DPP6: variants seen among roughly 807,000 people sequenced by gnomAD.
DPP6 encodes the protein dipeptidyl peptidase like 6.
DPP6 carries 69 observed loss-of-function variants against 122.6 expected under a neutral mutation model. That is an observed-to-expected ratio of 0.56 (90% CI 0.46 to 0.69). The LOEUF (loss-of-function observed/expected upper bound fraction) is 0.69, where lower values mean the gene tolerates loss of function less well. Among genes scored for constraint, DPP6 ranks in the 30% least tolerant of loss-of-function variants. The pLI, the probability that DPP6 is intolerant of heterozygous loss-of-function variation, is 0.00. For missense variants in DPP6, 928 were observed against 1,116.9 expected (o/e 0.83, Z 2.41); for synonymous variants, 418 against 433.1 (o/e 0.97, Z 0.43).
At chr7:154,259,810 G>A (rs920334547) in intron 1 of DPP6, among the ~76,000 whole-genome samples, 3 of 152,148 alleles carry the variant, frequency 2.0e-5, no homozygotes, top group Admixed American at 6.5e-5. Flanking sequence ...TATGCCAAAC[G>A]CGTTCACAAC....
intron 1 of DPP6, among the ~76,000 whole-genome samples, chr7:154,440,140 C>A (rs908116443): frequency 6.6e-6 from 1 of 152,170 alleles, no homozygotes; most frequent in Non-Finnish European, 1.5e-5. Flanking sequence ...AAATTAACTT[C>A]TAATTAATGA....
At chr7:154,004,646 T>A (rs1356734890) in intron 1 of DPP6, among the ~76,000 whole-genome samples, 11 of 151,318 alleles carry the variant, frequency 7.3e-5, no homozygotes, top group South Asian at 2.1e-4. Flanking sequence ...GAATTTTTTT[T>A]AAAAGAATGT....
the DPP6 span, among the ~76,000 whole-genome samples, chr7:153,870,195 C>A: frequency 6.6e-6 from 1 of 152,164 alleles, no homozygotes; most frequent in Non-Finnish European, 1.5e-5. Flanking sequence ...TGAATGTTGG[C>A]CTGCCTTGCT....
chr7:154,677,255 G>A (rs571049466), intron 7 of DPP6, among the ~76,000 whole-genome samples: 4 of 152,228 alleles, frequency 2.6e-5, no homozygotes, highest in East Asian at 1.9e-4. Context: ...CGCCAACAGC[G>A]AGAGAGCGTG....
At chr7:154,308,005 T>C (rs1806513427) in intron 1 of DPP6, among the ~76,000 whole-genome samples, 1 of 152,086 alleles carries the variant, frequency 6.6e-6, no homozygotes, top group Admixed American at 6.5e-5. Context: ...TATGAGAAAC[T>C]CACTGGCACC....
chr7:154,261,270 GT>G (rs1431316585), intron 1 of DPP6, among the ~76,000 whole-genome samples: 1 of 152,176 alleles, frequency 6.6e-6, no homozygotes, highest in Non-Finnish European at 1.5e-5. Context: ...CACCAGCAGT[GT>G]AGAAGTATTC....
intron 1 of DPP6, among the ~76,000 whole-genome samples, chr7:154,126,483 C>T (rs537929880): frequency 7.6e-4 from 115 of 151,670 alleles, no homozygotes; most frequent in Admixed American, 2.0e-3. Flanking sequence ...ATTTGGTGGT[C>T]GTTTTTCCTT....
intron 1 of DPP6, among the ~76,000 whole-genome samples, chr7:154,374,250 A>C (rs1382096386): frequency 1.6e-4 from 25 of 152,246 alleles, no homozygotes; most frequent in Admixed American, 1.6e-3. Flanking sequence ...TAGGACAGGA[A>C]TAGTAAATAC....
intron 8 of DPP6, among the ~76,000 whole-genome samples, chr7:154,734,226 C>T (rs1235853283): frequency 2.6e-5 from 4 of 152,246 alleles, no homozygotes; most frequent in Admixed American, 1.3e-4. Flanking sequence ...CTCCTGGCTT[C>T]GCCTCCTGAG....
At chr7:154,698,492 C>T (rs1044895716) in intron 7 of DPP6, among the ~76,000 whole-genome samples, 5 of 152,032 alleles carry the variant, frequency 3.3e-5, no homozygotes, top group Non-Finnish European at 7.4e-5. Context: ...ATATGCAATT[C>T]GTTTTAAAGA....
chr7:154,566,846 C>T lies in DPP6; in HGVS notation c.557C>T (p.Ser186Leu). The T allele has an allele frequency of 6.3e-7, 1 of 1,576,586 alleles. No homozygotes were observed. The highest frequency in any genetic ancestry group is 8.7e-7 in the Non-Finnish European group (1 of 1,151,440). Residue 186 changes from serine (S) to leucine (L), a missense_variant, in exon 5 of 26, where the codon TCA becomes TTA. By Grantham distance (145) the Ser-to-Leu change is moderately radical (BLOSUM62 -2). Transcript: ENST00000377770. Reference sequence around the variant, plus strand: ...TTTGTCTATTTTTTCTTTTAGGAATCATTAAGAGCCATCAGATATGAAATA... The same window carrying T: ...TTTGTCTATTTTTTCTTTTAGGAATTATTAAGAGCCATCAGATATGAAATA... ...TVLIEGKKIESLRAIRYEISP... is the reference protein window; with the variant it reads ...TVLIEGKKIELLRAIRYEISP...
At chr7:154,177,273 C>T (rs1241340004) in intron 1 of DPP6, among the ~76,000 whole-genome samples, 1 of 152,026 alleles carries the variant, frequency 6.6e-6, no homozygotes, top group Non-Finnish European at 1.5e-5. Flanking sequence ...TGATGTGGAA[C>T]AATATTACCG....
At chr7:154,290,640 C>CT (rs1805145730) in intron 1 of DPP6, among the ~76,000 whole-genome samples, 1 of 138,716 alleles carries the variant, frequency 7.2e-6, no homozygotes, top group Non-Finnish European at 1.5e-5. Context: ...GAGCAAAACT[C>CT]TGTCTCCAAA....
chr7:153,910,584 G>A (rs1220790919), intron 1 of DPP6, among the ~76,000 whole-genome samples: 1 of 152,076 alleles, frequency 6.6e-6, no homozygotes, highest in African/African-American at 2.4e-5. Context: ...AAATTTGCAT[G>A]TCAGCCTCTG....
At chr7:154,559,038 TGAG>T (rs1830234688) in intron 4 of DPP6, among the ~76,000 whole-genome samples, 1 of 151,982 alleles carries the variant, frequency 6.6e-6, no homozygotes, top group African/African-American at 2.4e-5. Flanking sequence ...TGACTCCTAA[TGAG>T]GAGAAATATC....
At chr7:154,052,081 G>C (rs1279209280), upstream of DPP6, among the ~76,000 whole-genome samples, 1 of 147,774 alleles carries the variant, frequency 6.8e-6, no homozygotes, top group African/African-American at 2.5e-5. The surrounding 1 kb of genome is among the most constrained non-coding windows in gnomAD (Gnocchi z 4.8). Flanking sequence ...CTCGACCTCC[G>C]CATCCCCTTG....
At chr7:154,303,172 A>C (rs1174104696) in intron 1 of DPP6, among the ~76,000 whole-genome samples, 1 of 152,190 alleles carries the variant, frequency 6.6e-6, no homozygotes, top group Admixed American at 6.5e-5. Flanking sequence ...TTTAAGAGGA[A>C]TCCCAGAAGG....
At position 154,603,077 on chromosome 7, in the gene DPP6, T is replaced by C. The variant is rs1302298574; in HGVS notation, c.628-34744T>C. Among the ~76,000 whole-genome samples, 5 of 120,472 alleles carry C rather than the reference T, an allele frequency of 4.2e-5. 2 individuals carry two copies. The highest frequency in any genetic ancestry group is 1.9e-5 in the Non-Finnish European group (1 of 53,612). 79.0% of individuals were successfully genotyped at this position (120,472 alleles called of 152,430 possible). A position where few individuals can be genotyped will look rare whatever the true frequency, so the allele number is the denominator to read the frequency against. ...ATCATTCCTTGTCTTCTGGCTAGCT[T>C]AGTTTCTGAGGGGAACTCTATTACC... is the stretch of plus-strand genomic sequence containing the variant. On this transcript the variant is annotated intron_variant, in intron 5 of 25. Coordinates refer to ENST00000377770, the MANE Select transcript of DPP6 (RefSeq NM_130797.4).
chr7:154,543,943 G>A (rs1282456992), intron 4 of DPP6, among the ~76,000 whole-genome samples: 1 of 131,212 alleles, frequency 7.6e-6, no homozygotes, highest in Non-Finnish European at 1.5e-5. Context: ...GCAGTGAGTC[G>A]ACATCGTTCC....
Sources: allele counts gnomAD v4.1 joint callset (sites outside exome capture counted in the v4.1 genomes callset), GRCh38; gene constraint gnomAD v4.1.1; non-coding constraint Gnocchi (gnomAD v3.1); transcripts MANE v1.5; gene names NCBI Gene and HGNC (gene_info 2026-07-23, HGNC 2026-07-21).